The following CNBD1 variants were observed in gnomAD, a reference collection of about 807,000 sequenced individuals.
CNBD1 encodes the protein cyclic nucleotide binding domain containing 1.
Under a neutral mutation model 54.4 loss-of-function variants are expected in CNBD1, and 71 were observed. The observed-to-expected ratio is 1.30, with a 90% CI of 1.08 to 1.59. CNBD1 has a LOEUF of 1.59. CNBD1 is among the 40% of genes most tolerant of loss of function. CNBD1 has a pLI of 0.00. For missense variants in CNBD1, 659 were observed against 518.0 expected (o/e 1.27, Z -2.64); for synonymous variants, 182 against 170.7 (o/e 1.07, Z -0.51).
At chr8:87,172,708 T>C (rs568620207) in intron 4 of CNBD1, among the ~76,000 whole-genome samples, 1 of 152,294 alleles carries the variant, frequency 6.6e-6, no homozygotes. Flanking sequence ...CTTTTTTTCA[T>C]TTCCATTGGC....
chr8:87,310,262 G>A (rs1056255521), intron 8 of CNBD1, among the ~76,000 whole-genome samples: 2 of 152,002 alleles, frequency 1.3e-5, no homozygotes, highest in African/African-American at 4.8e-5. Context: ...AGCTGAGGTG[G>A]GAAGATCACT....
intron 6 of CNBD1, among the ~76,000 whole-genome samples, chr8:87,264,839 A>G (rs1189336682): frequency 6.6e-6 from 1 of 151,834 alleles, no homozygotes; most frequent in Non-Finnish European, 1.5e-5. Context: ...CCACTTGTTG[A>G]TGGGGTTGTT....
At chr8:87,105,716 T>C (rs1409992187) in intron 4 of CNBD1, among the ~76,000 whole-genome samples, 1 of 150,604 alleles carries the variant, frequency 6.6e-6, no homozygotes, top group African/African-American at 2.4e-5. Flanking sequence ...GGCTAAGCCT[T>C]TTTTTTTTGG....
intron 4 of CNBD1, among the ~76,000 whole-genome samples, chr8:87,183,487 C>T (rs1217499371): frequency 1.3e-5 from 2 of 148,504 alleles, no homozygotes; most frequent in African/African-American, 5.0e-5. Flanking sequence ...TCTTGTATCT[C>T]GATGAGTTTT....
intron 4 of CNBD1, among the ~76,000 whole-genome samples, chr8:86,962,795 A>C (rs960898517): frequency 1.4e-5 from 2 of 145,808 alleles, no homozygotes; most frequent in Admixed American, 6.8e-5. Context: ...CAAAAAAAAC[A>C]CAAAAAACAA....
At chr8:87,353,564 C>T in intron 9 of CNBD1, 72 bp from the exon 10 acceptor site, 1 of 986,282 alleles carries the variant, frequency 1.0e-6, no homozygotes, top group Non-Finnish European at 1.5e-6. Context: ...GAGTGAGTTT[C>T]TGATAAAAAC....
In CNBD1 at chr8:87,331,998, C is replaced by G. The variant is rs184183661; in HGVS notation, c.1043-19687C>G. ...ATGGGTAGATTGCAAAAATTTTCTC[C>G]CATTCTGTAGGTTGCATGTTCACTC... On this transcript the variant is annotated intron_variant, in intron 8 of 10. Transcript: ENST00000518476. Among the ~76,000 whole-genome samples the G allele has an allele frequency of 3.4e-4, 50 of 147,800 alleles. No homozygotes were observed. The East Asian group carries it at 3.7e-3, about 11-fold the overall frequency.
intron 6 of CNBD1, among the ~76,000 whole-genome samples, chr8:87,278,074 ATTAG>A (rs1808520821): frequency 6.6e-6 from 1 of 151,574 alleles, no homozygotes; most frequent in African/African-American, 2.4e-5. Context: ...TTATTAGCAG[ATTAG>A]ACACTGAAGA....
At chr8:87,411,397 C>CATATATAT (rs6150689) in intron 2 of CNBD1, among the ~76,000 whole-genome samples, 6,058 of 92,208 alleles carry the variant, frequency 0.066, 377 homozygotes, top group Middle Eastern at 0.087. Flanking sequence ...CTAGCTATAT[C>CATATATAT]ATATATATAT....
At chr8:86,927,902 G>C (rs912443484) in intron 3 of CNBD1, among the ~76,000 whole-genome samples, 15 of 152,060 alleles carry the variant, frequency 9.9e-5, no homozygotes, top group African/African-American at 3.6e-4. Context: ...GGCTGGTCTG[G>C]CTGATTTTGG....
chr8:86,964,873 G>T (rs1808030133), intron 4 of CNBD1, among the ~76,000 whole-genome samples: 2 of 152,142 alleles, frequency 1.3e-5, no homozygotes, highest in South Asian at 4.1e-4. Context: ...AAAGATCTGG[G>T]TTACACTACA....
chr8:86,976,734 A>C (rs1369892343), intron 4 of CNBD1, among the ~76,000 whole-genome samples: 1 of 151,746 alleles, frequency 6.6e-6, no homozygotes, highest in Non-Finnish European at 1.5e-5. Flanking sequence ...CAGTATATAG[A>C]TCTTTCATGT....
intron 2 of CNBD1, among the ~76,000 whole-genome samples, chr8:87,394,471 TTCTG>T (rs1245783573): frequency 1.3e-5 from 2 of 151,870 alleles, no homozygotes; most frequent in Non-Finnish European, 2.9e-5. Flanking sequence ...CCCTTATTCT[TTCTG>T]TCTGTCTTCC....
At chr8:87,416,396 TG>T (rs1251192524) in intron 2 of CNBD1, among the ~76,000 whole-genome samples, 1 of 152,002 alleles carries the variant, frequency 6.6e-6, no homozygotes, top group African/African-American at 2.4e-5. Context: ...TCAAGAAAAG[TG>T]GATGAATGTG....
chr8:87,354,613 G>A (rs964223733), intron 10 of CNBD1, among the ~76,000 whole-genome samples: 2 of 150,274 alleles, frequency 1.3e-5, no homozygotes, highest in Non-Finnish European at 3.0e-5. Flanking sequence ...GTGTCCATGT[G>A]TTCTCATTGT....
In CNBD1 at chr8:87,422,979, A is replaced by G. The variant is rs542511187; in HGVS notation, c.214-5567A>G. Among the ~76,000 whole-genome samples, 289 of 151,950 alleles carry G rather than the reference A, an allele frequency of 1.9e-3. 3 individuals are homozygous for G. Among genetic ancestry groups the G allele is most frequent in the African/African-American group, 6.8e-3 (279 of 41,274 alleles). On this transcript the variant is annotated intron_variant, in intron 2 of 7. Coordinates refer to the CNBD1 transcript ENST00000521593. ...CAGCGGTTTGTAGTTCTCCTTGAAG[A>G]GGTCCTTCACATCCCTTGTAAGTTG... is the stretch of plus-strand genomic sequence containing the variant.
intron 4 of CNBD1, among the ~76,000 whole-genome samples, chr8:86,988,348 T>A (rs1808657668): frequency 6.6e-6 from 1 of 152,048 alleles, no homozygotes; most frequent in Non-Finnish European, 1.5e-5. Context: ...TCAGTTATAA[T>A]GTCACTTTTG....
intron 2 of CNBD1, among the ~76,000 whole-genome samples, chr8:87,409,608 G>C (rs990424706): frequency 2.6e-5 from 4 of 152,114 alleles, no homozygotes; most frequent in Non-Finnish European, 5.9e-5. Context: ...TCAATGCCTG[G>C]TTTCAAAGCT....
At chr8:86,935,705 A>G (rs955816387) in intron 3 of CNBD1, among the ~76,000 whole-genome samples, 34 of 152,138 alleles carry the variant, frequency 2.2e-4, no homozygotes, top group African/African-American at 7.5e-4. Context: ...CTAAATAACT[A>G]AATTTTGGTT....
Sources: allele counts gnomAD v4.1 joint callset (sites outside exome capture counted in the v4.1 genomes callset), GRCh38; gene constraint gnomAD v4.1.1; transcripts MANE v1.5; gene names NCBI Gene and HGNC (gene_info 2026-07-23, HGNC 2026-07-21).